DNAJC24: variants seen among roughly 807,000 people sequenced by gnomAD.
The protein encoded by DNAJC24 is dnaJ homolog subfamily C member 24.
In DNAJC24, 17 loss-of-function variants were observed where a neutral mutation model predicts 18.0. The observed-to-expected ratio is 0.94, with a 90% CI of 0.65 to 1.42. DNAJC24 has a LOEUF of 1.42. DNAJC24 is among the 40% of genes most tolerant of loss of function. The pLI is 0.00. For synonymous variants in DNAJC24, 55 were observed against 57.7 expected, an observed-to-expected ratio of 0.95 and a Z score of 0.21; for missense variants, 158 against 175.6, an observed-to-expected ratio of 0.90 and a Z score of 0.57.
Position 31,372,256 on chromosome 11 carries a change from G to C in DNAJC24, c.111+1397G>C, listed in dbSNP as rs539961224. On this transcript the variant is annotated intron_variant, in intron 2 of 4. Transcript: ENST00000465995. ...TCTATACCGACGTCCGGTTAACTCA[G>C]TTTATAAAGAGTAAAGAACCATTAT... Among the ~76,000 whole-genome samples, 8 of 83,576 alleles carry C rather than the reference G, an allele frequency of 9.6e-5. 2 individuals are homozygous for C. In the South Asian group the frequency reaches 3.5e-3, roughly 36 times the overall value. 54.8% of individuals were successfully genotyped at this position (83,576 alleles called of 152,430 possible).
intron 2 of DNAJC24, among the ~76,000 whole-genome samples, chr11:31,401,995 A>G (rs933136513): frequency 6.6e-6 from 1 of 152,226 alleles, no homozygotes; most frequent in African/African-American, 2.4e-5. Flanking sequence ...TTTTGACTAG[A>G]TACAGCCCTG....
At chr11:31,386,250 T>A (rs1337464808) in intron 2 of DNAJC24, among the ~76,000 whole-genome samples, 2 of 151,692 alleles carry the variant, frequency 1.3e-5, no homozygotes, top group Non-Finnish European at 2.9e-5. Flanking sequence ...CGTGACCTGA[T>A]GAGATACCAG....
chr11:31,392,291 T>A (rs1001138656), intron 2 of DNAJC24, among the ~76,000 whole-genome samples: 20 of 152,256 alleles, frequency 1.3e-4, no homozygotes, highest in Non-Finnish European at 2.8e-4. Flanking sequence ...ATGCTTGAGG[T>A]GATGGTTACC....
chr11:31,378,167 A>G (rs530279792), intron 2 of DNAJC24, among the ~76,000 whole-genome samples: 9 of 151,702 alleles, frequency 5.9e-5, no homozygotes, highest in East Asian at 1.9e-4. Flanking sequence ...TGATTACAGG[A>G]AAGGTACTTA....
chr11:31,391,063 A>G (rs1226877974), intron 2 of DNAJC24, among the ~76,000 whole-genome samples: 4 of 152,202 alleles, frequency 2.6e-5, no homozygotes, highest in Non-Finnish European at 5.9e-5. Context: ...TAGATCAATC[A>G]ATGTGATCCA....
intron 3 of DNAJC24, among the ~76,000 whole-genome samples, chr11:31,419,084 G>A (rs1434514578): frequency 6.6e-6 from 1 of 152,018 alleles, no homozygotes; most frequent in African/African-American, 2.4e-5. Flanking sequence ...TAACTGTTAG[G>A]AATAATAACT....
At chr11:31,391,859 C>T (rs187582089) in intron 2 of DNAJC24, among the ~76,000 whole-genome samples, 1 of 152,268 alleles carries the variant, frequency 6.6e-6, no homozygotes, top group Non-Finnish European at 1.5e-5. Context: ...CTTAAGTGTA[C>T]ATCAACAGAC....
At chr11:31,421,848 T>G (rs1242258345) in intron 3 of DNAJC24, 117 of 231,904 alleles carry the variant, frequency 5.0e-4, no homozygotes, top group Non-Finnish European at 3.5e-5. Flanking sequence ...TTTAGAAAGT[T>G]GTGAATGACC....
intron 2 of DNAJC24, among the ~76,000 whole-genome samples, chr11:31,376,093 T>TTCTTA (rs1952311776): frequency 1.2e-5 from 1 of 83,690 alleles, no homozygotes; most frequent in Admixed American, 1.3e-4. Context: ...CTCCTCATGG[T>TTCTTA]AGTGAATAAG....
intron 2 of DNAJC24, among the ~76,000 whole-genome samples, chr11:31,377,187 C>T (rs904248227): frequency 6.6e-6 from 1 of 152,072 alleles, no homozygotes; most frequent in African/African-American, 2.4e-5. Context: ...TTGAATTTAA[C>T]ACCTCCTGCA....
At position 31,397,144 on chromosome 11, in the gene DNAJC24, G is replaced by A. The variant is rs112034696; in HGVS notation, c.112-17667G>A. Among the ~76,000 whole-genome samples the A allele has an allele frequency of 7.8e-3, 1,190 of 152,220 alleles. 19 individuals are homozygous for A. Among genetic ancestry groups the A allele is most frequent in the African/African-American group, 0.027 (1,139 of 41,538 alleles). ...ATGCATTATAATAAATTGTTGGCAT[G>A]CCTACTCTTTACCACTAGACTGTGA... On this transcript the variant is annotated intron_variant, in intron 2 of 4. Coordinates refer to ENST00000465995, the MANE Select transcript of DNAJC24 (RefSeq NM_181706.5).
chr11:31,371,286 C>T (rs1445037689), intron 2 of DNAJC24, among the ~76,000 whole-genome samples: 4 of 152,016 alleles, frequency 2.6e-5, no homozygotes, highest in African/African-American at 9.7e-5. Context: ...AAAATATACA[C>T]TGGATTTTAA....
chr11:31,392,647 G>T (rs1247496873), intron 2 of DNAJC24, among the ~76,000 whole-genome samples: 3 of 151,762 alleles, frequency 2.0e-5, no homozygotes, highest in African/African-American at 7.3e-5. Context: ...TGAGGGTGGG[G>T]CCCTTGTGAA....
chr11:31,432,554 A>G lies in DNAJC24; in HGVS notation c.*2153A>G. On this transcript the variant is annotated 3_prime_UTR_variant, in exon 5 of 5. Transcript: ENST00000465995. ...GGCTGGCACGTAAAAATCCAAAATC[A>G]CTCAGAGGCCAAATCTGTAAAATCA... 6.2e-7 allele frequency: 1 copy of G among 1,611,870 alleles called. No homozygotes were observed. The highest frequency in any genetic ancestry group is 1.1e-5 in the South Asian group (1 of 91,034).
In DNAJC24 at chr11:31,431,639, C is replaced by T. The variant is rs1007801505; in HGVS notation, c.*1238C>T. On this transcript the variant is annotated 3_prime_UTR_variant, in exon 5 of 5. Coordinates refer to ENST00000465995, the MANE Select transcript of DNAJC24 (RefSeq NM_181706.5). The stretch of plus-strand genomic sequence containing the variant: ...CCACCCTGGCCAACATGGTGAAACC[C>T]CATATCTACTAAAAATAATTTTTTT... The T allele has an allele frequency of 1.3e-5, 2 of 150,936 alleles. No individual in the cohort carries two copies. The highest frequency in any genetic ancestry group is 4.9e-5 in the African/African-American group (2 of 41,152). The allele number at this position is 150,936 out of a possible 1,614,324, so 9.3% of individuals were successfully genotyped here. A position where few individuals can be genotyped will look rare whatever the true frequency, so the allele number is the denominator to read the frequency against.
intron 2 of DNAJC24, among the ~76,000 whole-genome samples, chr11:31,377,669 T>G (rs1952331748): frequency 6.6e-6 from 1 of 152,228 alleles, no homozygotes; most frequent in South Asian, 2.1e-4. Context: ...TTCCTGTATT[T>G]TTTGCAGTTA....
chr11:31,378,487 TC>T (rs1245440094), intron 2 of DNAJC24, among the ~76,000 whole-genome samples: 1 of 152,210 alleles, frequency 6.6e-6, no homozygotes, highest in East Asian at 1.9e-4. Context: ...TGTGAATTAT[TC>T]AACTCTGCAA....
At chr11:31,397,821 A>G (rs999139293) in intron 2 of DNAJC24, among the ~76,000 whole-genome samples, 10 of 140,052 alleles carry the variant, frequency 7.1e-5, no homozygotes, top group African/African-American at 2.7e-4. Context: ...TTTTTTTTTT[A>G]TTTTCCCCCG....
chr11:31,408,083 A>G (rs897404377), intron 2 of DNAJC24: 1 of 455,948 alleles, frequency 2.2e-6, no homozygotes, highest in Non-Finnish European at 4.4e-6. Context: ...CTTGAAACAC[A>G]TTGCAATTTT....
Sources: allele counts gnomAD v4.1 joint callset (sites outside exome capture counted in the v4.1 genomes callset), GRCh38; gene constraint gnomAD v4.1.1; transcripts MANE v1.5; gene names NCBI Gene and HGNC (gene_info 2026-07-23, HGNC 2026-07-21).